Variants in PTPN21 observed in about 807,000 individuals in gnomAD.
PTPN21 encodes the protein tyrosine-protein phosphatase non-receptor type 21.
In PTPN21, 77 loss-of-function variants were observed where a neutral mutation model predicts 131.8. The ratio of observed to expected loss-of-function variants is 0.58; its 90% CI spans 0.49 to 0.71. The LOEUF (loss-of-function observed/expected upper bound fraction) is 0.71, where lower values mean the gene tolerates loss of function less well. Ranked by LOEUF, PTPN21 falls within the 30% of genes least tolerant of loss-of-function variation. The pLI is 0.00. For missense variants in PTPN21, 1,552 were observed against 1,527.1 expected (o/e 1.02, Z -0.27); for synonymous variants, 715 against 621.3 (o/e 1.15, Z -2.24).
chr14:88,488,684 C>T (rs2772513), intron 10 of PTPN21, among the ~76,000 whole-genome samples: 1 of 152,120 alleles, frequency 6.6e-6, no homozygotes, highest in Non-Finnish European at 1.5e-5. Context: ...GGCGTGGTGG[C>T]ACATGCCCGT....
At position 88,500,840 on chromosome 14, in the gene PTPN21, G is replaced by T. The variant is rs748973648; in HGVS notation, c.707C>A (p.Ala236Glu). 2 of 1,613,622 alleles carry T rather than the reference G, an allele frequency of 1.2e-6. No individual in the cohort carries two copies. Among genetic ancestry groups the T allele is most frequent in the Non-Finnish European group, 8.5e-7 (1 of 1,179,610 alleles). ...DSQGSDISIG[A>E]CLEGIFVKHK... The stretch of plus-strand genomic sequence containing the variant: ...TTTCACAAAGATACCTTCAAGACAC[G>T]CTCCAATGGATATGTCACTTCCTTG... The change falls in exon 8 of 19, where the codon GCG becomes GAG. Residue 236 changes from alanine (A) to glutamate (E), a missense_variant. By Grantham distance (107) the Ala-to-Glu change is moderately radical (BLOSUM62 -1). Around this residue, in one of 4 missense-constraint regions of PTPN21, gnomAD observed 1,016 missense variants for 883.5 expected, o/e 1.15. Coordinates refer to ENST00000556564, the MANE Select transcript of PTPN21 (RefSeq NM_007039.4).
At chr14:88,519,037 A>T (rs1029436085) in intron 2 of PTPN21, among the ~76,000 whole-genome samples, 3 of 152,138 alleles carry the variant, frequency 2.0e-5, no homozygotes, top group African/African-American at 7.2e-5. Context: ...GCTATGACTA[A>T]TGCAGTAAAA....
At chr14:88,507,761 A>AT (rs2078114478) in intron 4 of PTPN21, among the ~76,000 whole-genome samples, 162 bp downstream of exon 4, 1 of 149,438 alleles carries the variant, frequency 6.7e-6, no homozygotes, top group South Asian at 2.2e-4. Context: ...TTCCAAGTTC[A>AT]TTTTTTCCCA....
intron 18 of PTPN21, 145 bp from the exon 19 acceptor site, chr14:88,468,410 A>G (rs2077400109): frequency 1.3e-6 from 1 of 756,922 alleles, no homozygotes; most frequent in South Asian, 2.1e-5. Flanking sequence ...ATAAGCCATG[A>G]TTGCCTACTT....
At chr14:88,475,640 C>T (rs568068812) in intron 13 of PTPN21, among the ~76,000 whole-genome samples, 48 of 152,198 alleles carry the variant, frequency 3.2e-4, no homozygotes, top group Non-Finnish European at 5.9e-4. Flanking sequence ...TAACAACAGG[C>T]TCTTGGAAGG....
Position 88,469,488 on chromosome 14 carries a change from A to C in PTPN21, c.3235+11T>G. ...GGCAGCTGTCCTCGGAACAAAGTTA[A>C]AGTCACTCACATAAAAATCCCTTGA... On this transcript the variant is annotated intron_variant, in intron 17 of 18. Transcript: ENST00000556564. This position sits in a 1 kb window ranked among gnomAD's most constrained non-coding sequence, Gnocchi z 4.3. 6.3e-7 allele frequency: 1 copy of C among 1,596,900 alleles called. No homozygotes were observed. Among genetic ancestry groups the C allele is most frequent in the Non-Finnish European group, 8.6e-7 (1 of 1,164,364 alleles).
At chr14:88,524,235 G>A (rs1158419891) in intron 2 of PTPN21, among the ~76,000 whole-genome samples, 1 of 152,174 alleles carries the variant, frequency 6.6e-6, no homozygotes, top group Non-Finnish European at 1.5e-5. Flanking sequence ...CTTATTACAA[G>A]AGTATAGTAA....
chr14:88,497,133 A>G (rs1281786130), intron 9 of PTPN21, 70 bp downstream of exon 9: 30 of 1,186,630 alleles, frequency 2.5e-5, no homozygotes, highest in Non-Finnish European at 3.4e-5. Context: ...AAACACATAC[A>G]GGCACGCAGA....
rs753280340 is a variant in PTPN21, at chr14:88,479,474, T to C, written c.1957A>G (p.Lys653Glu). 11 of 1,601,986 alleles carry C rather than the reference T, an allele frequency of 6.9e-6. No individual in the cohort carries two copies. In the Admixed American group the frequency reaches 1.8e-4, roughly 27 times the overall value. ...GCCGACGCGGATAGGGTGCGCTCCT[T>C]GAGCCGCAGGCCCTCCAGGCCGTGG... ...LSHGLEGLRLKERTLSASAAE... is the reference protein window; with the variant it reads ...LSHGLEGLRLEERTLSASAAE... The change falls in exon 13 of 19, where the codon AAG becomes GAG. Residue 653 changes from lysine to glutamate, a missense_variant. Physicochemically the swap from Lys to Glu is moderately conservative, Grantham distance 56 (BLOSUM62 1). Around this residue, in one of 4 missense-constraint regions of PTPN21, gnomAD observed 1,016 missense variants for 883.5 expected, o/e 1.15. Transcript: ENST00000556564.
At chr14:88,541,688 GC>G (rs1595416576) in intron 2 of PTPN21, among the ~76,000 whole-genome samples, 1 of 152,202 alleles carries the variant, frequency 6.6e-6, no homozygotes, top group African/African-American at 2.4e-5. Flanking sequence ...GCAATGAATG[GC>G]CCTTCCTGAG....
intron 2 of PTPN21, among the ~76,000 whole-genome samples, chr14:88,518,312 AT>A (rs1250312377): frequency 1.0e-4 from 11 of 108,464 alleles, no homozygotes; most frequent in Non-Finnish European, 1.8e-4. Context: ...ATATATGTGT[AT>A]ATATACGTAT....
chr14:88,482,885 C>A (rs1478699319), intron 12 of PTPN21, among the ~76,000 whole-genome samples: 1 of 151,268 alleles, frequency 6.6e-6, no homozygotes, highest in African/African-American at 2.4e-5. Context: ...GGGTAACCAG[C>A]AAGCAGAAGC....
Position 88,507,914 on chromosome 14 carries a change from C to T in PTPN21, c.448+9G>A, listed in dbSNP as rs989843734. ...TAGAACCATTTCATTATGAATTGAT[C>T]TTATTTACCTTGAACAGCTAAGCCT... On this transcript the variant is annotated intron_variant, in intron 4 of 18. Transcript: ENST00000556564. 6.5e-7 allele frequency: 1 copy of T among 1,532,618 alleles called. No individual in the cohort carries two copies. The highest frequency in any genetic ancestry group is 1.8e-5 in the Admixed American group (1 of 55,362). 94.9% of individuals were successfully genotyped at this position (1,532,618 alleles called of 1,614,324 possible).
At chr14:88,507,529 T>C (rs2078110504) in intron 4 of PTPN21, among the ~76,000 whole-genome samples, 1 of 152,222 alleles carries the variant, frequency 6.6e-6, no homozygotes, top group Non-Finnish European at 1.5e-5. Flanking sequence ...ACAATGGTAT[T>C]TGTGTATCTA....
At chr14:88,528,385 T>C (rs1336902656) in intron 2 of PTPN21, among the ~76,000 whole-genome samples, 1 of 152,234 alleles carries the variant, frequency 6.6e-6, no homozygotes, top group African/African-American at 2.4e-5. Flanking sequence ...GGTATATTCC[T>C]AAGTATTTTA....
intron 2 of PTPN21, among the ~76,000 whole-genome samples, chr14:88,520,616 A>G (rs1200680051): frequency 6.6e-6 from 1 of 152,132 alleles, no homozygotes; most frequent in African/African-American, 2.4e-5. Flanking sequence ...CTTTTTTTAA[A>G]CTGCAACTTA....
chr14:88,528,078 A>G (rs1225597767), intron 2 of PTPN21, among the ~76,000 whole-genome samples: 2 of 152,112 alleles, frequency 1.3e-5, no homozygotes, highest in South Asian at 2.1e-4. Context: ...AAGTCGGGTA[A>G]TGTGATGCCT....
chr14:88,474,177 A>G (rs767675108), intron 13 of PTPN21, among the ~76,000 whole-genome samples: 1 of 147,750 alleles, frequency 6.8e-6, no homozygotes, highest in Non-Finnish European at 1.5e-5. Flanking sequence ...AATGCAATCA[A>G]TTGACTATAG....
intron 10 of PTPN21, among the ~76,000 whole-genome samples, chr14:88,486,743 A>C (rs941113086): frequency 1.3e-5 from 2 of 152,104 alleles, no homozygotes; most frequent in Non-Finnish European, 2.9e-5. Flanking sequence ...TTCAGAGGCC[A>C]AGGCGGGTGG....
Sources: gnomAD v4.1 joint callset for allele counts (sites outside exome capture counted in the v4.1 genomes callset) on GRCh38, gnomAD v4.1.1 for gene constraint, gnomAD v4.1.1 regional missense constraint, Gnocchi (gnomAD v3.1) non-coding constraint, MANE v1.5 for transcripts, NCBI Gene and HGNC (gene_info 2026-07-23, HGNC 2026-07-21) for gene names.